Variants in HDAC9 observed in about 807,000 individuals in gnomAD.
HDAC9 encodes the protein histone deacetylase 9, also known as MEF-2 interacting transcription repressor (MITR) protein.
Under a neutral mutation model 139.4 loss-of-function variants are expected in HDAC9, and 41 were observed. The ratio of observed to expected loss-of-function variants is 0.29; its 90% CI spans 0.23 to 0.38. HDAC9 has a LOEUF of 0.38. Among genes scored for constraint, HDAC9 ranks in the 10% least tolerant of loss-of-function variants. HDAC9 has a pLI of 1.00. For synonymous variants in HDAC9, 517 were observed against 476.2 expected (o/e 1.09, Z -1.12); for missense variants, 1,147 against 1,297.0 (o/e 0.88, Z 1.78).
chr7:18,809,562 T>A (rs966080656), intron 17 of HDAC9, among the ~76,000 whole-genome samples: 1 of 152,030 alleles, frequency 6.6e-6, no homozygotes, highest in Non-Finnish European at 1.5e-5. Context: ...AAAGAAGTTA[T>A]ACAGACATAT....
chr7:18,850,081 T>TAAAAAAAAAAAAAAAAAAAAAAAAAAA (rs11327408), intron 21 of HDAC9, among the ~76,000 whole-genome samples: 1 of 82,314 alleles, frequency 1.2e-5, no homozygotes, highest in Non-Finnish European at 2.6e-5. Context: ...AAAGCCTGAG[T>TAAAAAAAAAAAAAAAAAAAAAAAAAAA]AAAAAAAAAA....
At chr7:18,111,478 T>C (rs1367564754) in intron 1 of HDAC9, among the ~76,000 whole-genome samples, 3 of 152,154 alleles carry the variant, frequency 2.0e-5, no homozygotes, top group Non-Finnish European at 4.4e-5. Flanking sequence ...CTGTGGTGGA[T>C]TGGTTCCAGC....
At chr7:18,694,461 T>A (rs1013986134) in intron 12 of HDAC9, among the ~76,000 whole-genome samples, 1 of 152,140 alleles carries the variant, frequency 6.6e-6, no homozygotes, top group African/African-American at 2.4e-5. Flanking sequence ...GGGGTTGGTG[T>A]CTCGGGAGTG....
chr7:18,618,711 C>G (rs187289689), intron 6 of HDAC9, among the ~76,000 whole-genome samples: 3 of 116,746 alleles, frequency 2.6e-5, no homozygotes, highest in African/African-American at 9.0e-5. Flanking sequence ...AAAGATATAT[C>G]TAGTACAGAA....
At chr7:18,887,111 G>A (rs546216118) in intron 22 of HDAC9, among the ~76,000 whole-genome samples, 36 of 152,254 alleles carry the variant, frequency 2.4e-4, no homozygotes, top group Non-Finnish European at 4.3e-4. Context: ...GGGAATGGAC[G>A]TGCAGCTTCC....
chr7:18,424,108 A>G (rs1313148838), intron 1 of HDAC9, among the ~76,000 whole-genome samples: 1 of 152,222 alleles, frequency 6.6e-6, no homozygotes, highest in Non-Finnish European at 1.5e-5. Flanking sequence ...ATTTGGAGCT[A>G]TGACATTCCA....
At chr7:18,645,037 T>TA (rs35779976) in intron 9 of HDAC9, among the ~76,000 whole-genome samples, 98 of 151,300 alleles carry the variant, frequency 6.5e-4, no homozygotes, top group Non-Finnish European at 9.2e-4. Context: ...TTATAGCTTT[T>TA]AAAAAAAAAG....
At chr7:18,611,979 C>T (rs1837288838) in intron 6 of HDAC9, among the ~76,000 whole-genome samples, 1 of 152,068 alleles carries the variant, frequency 6.6e-6, no homozygotes, top group Non-Finnish European at 1.5e-5. Context: ...GTTGGGCTTT[C>T]CAAATATGTT....
At chr7:18,820,696 T>C (rs1167703012) in intron 17 of HDAC9, among the ~76,000 whole-genome samples, 2 of 152,154 alleles carry the variant, frequency 1.3e-5, no homozygotes, top group Non-Finnish European at 2.9e-5. Flanking sequence ...CTGGCCACTA[T>C]ATGTCAGATA....
chr7:18,150,193 T>C (rs1336921179), intron 1 of HDAC9, among the ~76,000 whole-genome samples: 3 of 152,024 alleles, frequency 2.0e-5, no homozygotes, highest in Admixed American at 1.3e-4. Flanking sequence ...CCATTATACA[T>C]TGAAATAATT....
At position 18,441,398 on chromosome 7, in the gene HDAC9, A is replaced by C. The variant is rs1264500234; in HGVS notation, c.-41-54864A>C. Among the ~76,000 whole-genome samples the C allele has an allele frequency of 2.0e-5, 3 of 152,220 alleles. No individual in the cohort carries two copies. The East Asian group carries it at 5.8e-4, about 29-fold the overall frequency. ...TTTTTAGTATCTTAGCACTTGCATG[A>C]CAATGAAAAATGTTAAATGTTTAAA... On this transcript the variant is annotated intron_variant, in intron 1 of 3. Transcript: ENST00000413509.
At chr7:18,606,262 G>A (rs1401104129) in intron 6 of HDAC9, among the ~76,000 whole-genome samples, 1 of 152,130 alleles carries the variant, frequency 6.6e-6, no homozygotes, top group East Asian at 1.9e-4. Flanking sequence ...GGTTGGGAGT[G>A]AAAATTTCCC....
intron 9 of HDAC9, among the ~76,000 whole-genome samples, chr7:18,646,779 C>A (rs75173769): frequency 0.04 from 6,061 of 152,078 alleles, 439 homozygotes; most frequent in African/African-American, 0.14. Flanking sequence ...TTCATTAAAT[C>A]CTTTGAATAG....
chr7:18,092,939 A>G (rs188727466), intron 1 of HDAC9, among the ~76,000 whole-genome samples: 2 of 152,298 alleles, frequency 1.3e-5, no homozygotes, highest in Admixed American at 1.3e-4. Context: ...AAAGACTTTT[A>G]AGGGACTGAT....
intron 2 of HDAC9, among the ~76,000 whole-genome samples, chr7:18,205,313 T>G (rs554771203): frequency 6.6e-6 from 1 of 152,170 alleles, no homozygotes; most frequent in South Asian, 2.1e-4. Flanking sequence ...ATTTAATTCT[T>G]CAAATTATTA....
intron 1 of HDAC9, among the ~76,000 whole-genome samples, chr7:18,382,041 TC>T (rs1785489380): frequency 6.6e-6 from 1 of 152,068 alleles, no homozygotes; most frequent in Non-Finnish European, 1.5e-5. Flanking sequence ...AGTCTGGAAC[TC>T]CCTCATAAAA....
At chr7:18,144,081 G>T (rs1786113636) in intron 1 of HDAC9, among the ~76,000 whole-genome samples, 1 of 152,056 alleles carries the variant, frequency 6.6e-6, no homozygotes, top group Non-Finnish European at 1.5e-5. Flanking sequence ...AGACTCTTCA[G>T]TGGGAAGGAA....
At chr7:18,965,466 G>A (rs1191839418) in intron 24 of HDAC9, among the ~76,000 whole-genome samples, 2 of 152,092 alleles carry the variant, frequency 1.3e-5, no homozygotes, top group Non-Finnish European at 2.9e-5. Context: ...ATCTTGGTTT[G>A]GCTTCTACCA....
intron 1 of HDAC9, among the ~76,000 whole-genome samples, chr7:18,367,650 C>T (rs1213277894): frequency 6.6e-6 from 1 of 151,982 alleles, no homozygotes; most frequent in Non-Finnish European, 1.5e-5. Context: ...TCTGAACATG[C>T]TTGTGCATGT....
Sources: allele counts gnomAD v4.1 joint callset (sites outside exome capture counted in the v4.1 genomes callset), GRCh38; gene constraint gnomAD v4.1.1; transcripts MANE v1.5; gene names NCBI Gene and HGNC (gene_info 2026-07-23, HGNC 2026-07-21).